ZFC3H1: variants seen among roughly 807,000 people sequenced by gnomAD.
ZFC3H1 encodes zinc finger C3H1 domain-containing protein.
In ZFC3H1, 71 loss-of-function variants were observed where a neutral mutation model predicts 243.7. The ratio of observed to expected loss-of-function variants is 0.29; its 90% confidence interval spans 0.24 to 0.36. ZFC3H1 has a LOEUF of 0.36. Ranked by LOEUF, ZFC3H1 falls within the 10% of genes least tolerant of loss-of-function variation. ZFC3H1 has a pLI of 1.00. For synonymous variants in ZFC3H1, 838 were observed against 813.0 expected (o/e 1.03, Z -0.52); for missense variants, 1,966 against 2,317.1 (o/e 0.85, Z 3.11).
intron 1 of ZFC3H1, chr12:71,660,359 G>C (rs1432531621): frequency 1.3e-5 from 2 of 152,126 alleles, no homozygotes; most frequent in African/African-American, 4.8e-5. Context: ...CTCTAGGATG[G>C]ATTACTGATA....
In ZFC3H1 at chr12:71,619,265, G is replaced by C. The variant is rs764526227; in HGVS notation, c.5144+50C>G. 6 of 1,536,334 alleles carry C rather than the reference G, an allele frequency of 3.9e-6. No individual in the cohort carries two copies. The African/African-American group carries it at 4.1e-5, about 11-fold the overall frequency. On this transcript the variant is annotated intron_variant, in intron 27 of 34. Transcript: ENST00000378743. ...AGAAAAAAACTGTAATCTTTCTACTGAACTGTGCTCTCTCTCATTCCTCTA... is the reference window on the plus strand; with the variant it reads ...AGAAAAAAACTGTAATCTTTCTACTCAACTGTGCTCTCTCTCATTCCTCTA...
intron 33 of ZFC3H1, 96 bp from the exon 34 acceptor site, chr12:71,610,853 T>A: frequency 6.9e-7 from 1 of 1,445,930 alleles, no homozygotes; most frequent in Admixed American, 2.0e-5. Context: ...CACAATAACA[T>A]CTGAGACAAA....
rs566085973 is a variant in ZFC3H1, at chr12:71,611,104, GAA to G, written c.5730-9_5730-8del. 1.6e-3 allele frequency: 1,994 copies of G among 1,269,544 alleles called. No individual in the cohort carries two copies. The highest frequency in any genetic ancestry group is 5.8e-3 in the South Asian group (314 of 53,720). The allele number at this position is 1,269,544 out of a possible 1,614,324, so 78.6% of individuals were successfully genotyped here. On this transcript the variant is annotated splice_polypyrimidine_tract_variant and splice_region_variant and intron_variant, in intron 32 of 34. Coordinates refer to ENST00000378743, the MANE Select transcript of ZFC3H1 (RefSeq NM_144982.5). Reference sequence around the variant, plus strand: ...AATCTCAGCAGCAATGGCTCTAAGAGAAAAAAAAAAAAAAAGAAATATAGAAA... The same window carrying G: ...AATCTCAGCAGCAATGGCTCTAAGAGAAAAAAAAAAAAAGAAATATAGAAA...
At chr12:71,661,484 CTTTT>C (rs10658535) in intron 1 of ZFC3H1, among the ~76,000 whole-genome samples, 6 of 130,844 alleles carry the variant, frequency 4.6e-5, no homozygotes, top group South Asian at 2.5e-4. Flanking sequence ...TATAATTTTC[CTTTT>C]TTTTTTTTTT....
At chr12:71,620,841 T>C (rs986244535) in intron 24 of ZFC3H1, among the ~76,000 whole-genome samples, 1 of 152,212 alleles carries the variant, frequency 6.6e-6, no homozygotes, top group Non-Finnish European at 1.5e-5. Flanking sequence ...TGTTTTACTT[T>C]GCCCAGCTGT....
chr12:71,620,179 T>A, intron 25 of ZFC3H1, 31 bp downstream of exon 25: 1 of 1,612,918 alleles, frequency 6.2e-7, no homozygotes, highest in Non-Finnish European at 8.5e-7. Context: ...CTTTTTAATA[T>A]AAGGTTAGCT....
At position 71,656,982 on chromosome 12, in the gene ZFC3H1, T is replaced by C; in HGVS notation, c.918A>G (p.Gln306=). 1 of 1,613,974 alleles carries C rather than the reference T, an allele frequency of 6.2e-7. No homozygotes were observed. The highest frequency in any genetic ancestry group is 1.1e-5 in the South Asian group (1 of 91,078). ...TCTTATCTCCTGGTAAAGTCAATTTTTGCCTGAGTGGTTTTAATTCAAATG... is the reference window on the plus strand; with the variant it reads ...TCTTATCTCCTGGTAAAGTCAATTTCTGCCTGAGTGGTTTTAATTCAAATG... The part of the protein sequence containing the change: ...FQAFELKPLR[Q]KLTLPGDKNR... The change falls in exon 2 of 35, where the codon CAA becomes CAG. Residue 306 remains glutamine, a synonymous_variant. Coordinates refer to ENST00000378743, the MANE Select transcript of ZFC3H1 (RefSeq NM_144982.5).
chr12:71,628,657 T>C (rs1422753660), intron 20 of ZFC3H1, among the ~76,000 whole-genome samples: 1 of 152,206 alleles, frequency 6.6e-6, no homozygotes, highest in African/African-American at 2.4e-5. Context: ...TTTGGAAATA[T>C]CTGAAGCAGT....
intron 2 of ZFC3H1, chr12:71,656,370 T>C: frequency 2.1e-6 from 1 of 475,134 alleles, no homozygotes; most frequent in South Asian, 4.4e-5. Flanking sequence ...ATAAACTGTA[T>C]TAAACGCAAG....
chr12:71,610,586 TAGAAGTA>T (rs1879744342), intron 34 of ZFC3H1, 21 bp from the exon 35 acceptor site: 1 of 1,612,804 alleles, frequency 6.2e-7, no homozygotes, highest in South Asian at 1.1e-5. Context: ...CAGGGAAGCA[TAGAAGTA>T]AGACTTAGCT....
chr12:71,657,409 AAATG>A, intron 1 of ZFC3H1, 108 bp from the exon 2 acceptor site: 1 of 865,604 alleles, frequency 1.2e-6, no homozygotes, highest in South Asian at 2.1e-5. Context: ...TTTTCAAGAA[AAATG>A]AATCGATATT....
rs1880664865 is a variant in ZFC3H1 at position 71,644,051 on chromosome 12, A to T, written c.1503+44T>A. 2.0e-6 allele frequency: 3 copies of T among 1,510,414 alleles called. No individual in the cohort carries two copies. In the Admixed American group the frequency reaches 5.4e-5, roughly 27 times the overall value. The allele number at this position is 1,510,414 out of a possible 1,614,324, so 93.6% of individuals were successfully genotyped here. A position where few individuals can be genotyped will look rare whatever the true frequency, so the allele number is the denominator to read the frequency against. On this transcript the variant is annotated intron_variant, in intron 5 of 34. Coordinates refer to ENST00000378743, the MANE Select transcript of ZFC3H1 (RefSeq NM_144982.5). ...GAATCTATGAAATATGACTTTAAGG[A>T]AACTTAGAGTAACGTTTTGATTTTA...
Position 71,628,898 on chromosome 12 carries a change from T to C in ZFC3H1, c.3946+20A>G, listed in dbSNP as rs372969305. 7.6e-6 allele frequency: 12 copies of C among 1,573,004 alleles called. No individual in the cohort carries two copies. Among genetic ancestry groups the C allele is most frequent in the Non-Finnish European group, 8.6e-6 (10 of 1,163,976 alleles). On this transcript the variant is annotated intron_variant, in intron 20 of 34. Transcript: ENST00000378743. Reference sequence around the variant, plus strand: ...ACCACAATTTAATAATTCTGGATCTTAAATTACATAACTTCTTACCATACT... The same window carrying C: ...ACCACAATTTAATAATTCTGGATCTCAAATTACATAACTTCTTACCATACT...
At chr12:71,631,716 TA>T in intron 16 of ZFC3H1, 61 bp downstream of exon 16, 1 of 1,369,718 alleles carries the variant, frequency 7.3e-7, no homozygotes, top group Admixed American at 2.3e-5. Flanking sequence ...ATATTCAAGA[TA>T]AAATATTAAA....
In ZFC3H1 at chr12:71,663,829, T is replaced by A. The variant is rs893443487; in HGVS notation, c.-219A>T. 3.4e-6 allele frequency: 2 copies of A among 585,460 alleles called. No homozygotes were observed. Among genetic ancestry groups the A allele is most frequent in the African/African-American group, 1.9e-5 (1 of 53,686 alleles). 36.3% of individuals were successfully genotyped at this position (585,460 alleles called of 1,614,324 possible). A position where few individuals can be genotyped will look rare whatever the true frequency, so the allele number is the denominator to read the frequency against. ...GTTCCCTTTCCTAGCGCCCCCTTGC[T>A]CCTCAGCGATCGGGGTTCTTCCGCC... On this transcript the variant is annotated 5_prime_UTR_variant, in exon 1 of 35. Coordinates refer to ENST00000378743, the MANE Select transcript of ZFC3H1 (RefSeq NM_144982.5).
chr12:71,653,852 C>T (rs1238381739), intron 2 of ZFC3H1, among the ~76,000 whole-genome samples: 1 of 152,056 alleles, frequency 6.6e-6, no homozygotes. Flanking sequence ...CCCAGCTCCA[C>T]TAAATACAAA....
chr12:71,629,535 C>A (rs1427196076), intron 19 of ZFC3H1, 74 bp downstream of exon 19: 8 of 986,806 alleles, frequency 8.1e-6, no homozygotes, highest in African/African-American at 1.7e-5. Context: ...ACTAAAAAGT[C>A]CTTTTCAGAA....
At position 71,613,401 on chromosome 12, in the gene ZFC3H1, G is replaced by A. The variant is rs1251939020; in HGVS notation, c.5561C>T (p.Thr1854Ile). 1 of 1,609,852 alleles carries A rather than the reference G, an allele frequency of 6.2e-7. No homozygotes were observed. Reference protein sequence around the residue: ...IFFYLSCVPKTQHSKTLERFC... With the variant: ...IFFYLSCVPKIQHSKTLERFC... ...CCGTTCCAAGGTTTTGGAATGCTGGGTCTTTGGAACACAGCTCAAATAAAA... is the reference window on the plus strand; with the variant it reads ...CCGTTCCAAGGTTTTGGAATGCTGGATCTTTGGAACACAGCTCAAATAAAA... Residue 1854 changes from threonine (T) to isoleucine (I), a missense_variant, in exon 31 of 35, where the codon ACC becomes ATC. Thr to Ile is a moderately conservative substitution (Grantham distance 89). Coordinates refer to ENST00000378743, the MANE Select transcript of ZFC3H1 (RefSeq NM_144982.5).
At chr12:71,652,881 G>A (rs1407215551) in intron 2 of ZFC3H1, among the ~76,000 whole-genome samples, 1 of 148,832 alleles carries the variant, frequency 6.7e-6, no homozygotes, top group African/African-American at 2.5e-5. Context: ...CAAGGCTGAA[G>A]TCTTTAGCAA....
Sources: allele counts gnomAD v4.1 joint callset (sites outside exome capture counted in the v4.1 genomes callset), GRCh38; gene constraint gnomAD v4.1.1; transcripts MANE v1.5; gene names NCBI Gene and HGNC (gene_info 2026-07-23, HGNC 2026-07-21).